STEAP1B: variants seen among roughly 807,000 people sequenced by gnomAD.
STEAP1B encodes the protein STEAP family member 1B.
Under a neutral mutation model 27.9 loss-of-function variants are expected in STEAP1B, and 13 were observed. The ratio of observed to expected loss-of-function variants is 0.47; its 90% confidence interval spans 0.30 to 0.74. STEAP1B has a LOEUF of 0.74. STEAP1B is among the 30% of genes least tolerant of loss of function. The pLI is 0.06. For missense variants in STEAP1B, 250 were observed against 298.7 expected (o/e 0.84, Z 1.20); for synonymous variants, 86 against 107.1 (o/e 0.80, Z 1.22).
Position 22,477,469 on chromosome 7 carries a change from G to C in STEAP1B, c.762+15096C>G, listed in dbSNP as rs540033691. On this transcript the variant is annotated intron_variant, in intron 4 of 4. Transcript: ENST00000678116. Reference sequence around the variant, plus strand: ...GGAAACAGATTCTGAGAAAGGTTAAGTGTCTTGTCCAAGGTCACACAAATC... The same window carrying C: ...GGAAACAGATTCTGAGAAAGGTTAACTGTCTTGTCCAAGGTCACACAAATC... Among the ~76,000 whole-genome samples the C allele has an allele frequency of 3.9e-5, 6 of 152,302 alleles. 2 individuals are homozygous for C. In the South Asian group the frequency reaches 1.2e-3, roughly 32 times the overall value.
At chr7:22,451,235 T>C (rs940531216) in intron 4 of STEAP1B, among the ~76,000 whole-genome samples, 9 of 152,110 alleles carry the variant, frequency 5.9e-5, no homozygotes, top group Non-Finnish European at 1.2e-4. Context: ...AGATTGTTCA[T>C]TGTTGGCATT....
intron 4 of STEAP1B, among the ~76,000 whole-genome samples, chr7:22,456,972 A>ATATATATTTTTTTTTTTTTTTTTT: frequency 1.8e-3 from 100 of 56,974 alleles, no homozygotes; most frequent in Admixed American, 3.3e-3. Flanking sequence ...ATATATATAT[A>ATATATATTTTTTTTTTTTTTTTTT]TTTTTTTTTT....
intron 4 of STEAP1B, among the ~76,000 whole-genome samples, chr7:22,485,629 AC>A (rs1435219768): frequency 6.6e-6 from 1 of 152,094 alleles, no homozygotes; most frequent in Admixed American, 6.6e-5. Flanking sequence ...GCTAAATATA[AC>A]TTTTATATGC....
intron 4 of STEAP1B, among the ~76,000 whole-genome samples, chr7:22,465,133 G>C (rs560769063): frequency 4.6e-4 from 69 of 151,492 alleles, no homozygotes; most frequent in African/African-American, 1.7e-3. Context: ...CGGCTACGAG[G>C]CCACTAATGG....
At chr7:22,498,241 AG>A (rs201505087) in intron 1 of STEAP1B, among the ~76,000 whole-genome samples, 13,034 of 152,064 alleles carry the variant, frequency 0.086, 648 homozygotes, top group African/African-American at 0.095. Flanking sequence ...AACAGCACCA[AG>A]GGGGGATGGT....
chr7:22,436,640 G>A (rs1785258858), intron 4 of STEAP1B, among the ~76,000 whole-genome samples: 2 of 151,606 alleles, frequency 1.3e-5, no homozygotes, highest in African/African-American at 4.8e-5. Context: ...GTGAGAACAT[G>A]TGGTATTTGG....
intron 4 of STEAP1B, among the ~76,000 whole-genome samples, chr7:22,486,078 C>A (rs965351530): frequency 9.9e-5 from 15 of 152,202 alleles, no homozygotes; most frequent in East Asian, 3.8e-4. Context: ...ATAAAAATCC[C>A]AGTGCCCATT....
At chr7:22,456,174 T>A (rs898558966) in intron 4 of STEAP1B, among the ~76,000 whole-genome samples, 2 of 152,098 alleles carry the variant, frequency 1.3e-5, no homozygotes, top group African/African-American at 2.4e-5. Context: ...TCCTAATCCA[T>A]TTAAAATATT....
chr7:22,478,892 A>C (rs1786018674), intron 4 of STEAP1B, among the ~76,000 whole-genome samples: 1 of 152,106 alleles, frequency 6.6e-6, no homozygotes, highest in Non-Finnish European at 1.5e-5. Context: ...TGGTTTCAGG[A>C]AACAGCTCAC....
intron 4 of STEAP1B, among the ~76,000 whole-genome samples, chr7:22,475,401 T>C (rs2128411942): frequency 6.6e-6 from 1 of 152,250 alleles, no homozygotes; most frequent in Non-Finnish European, 1.5e-5. Context: ...TGAGTCAGGG[T>C]CTTCTTCTGT....
chr7:22,467,495 C>T (rs527581099), intron 4 of STEAP1B, among the ~76,000 whole-genome samples: 1 of 152,292 alleles, frequency 6.6e-6, no homozygotes, highest in East Asian at 1.9e-4. Context: ...TGTCCCCACC[C>T]AAATCTCATC....
At chr7:22,445,958 T>A (rs1785404052) in intron 4 of STEAP1B, among the ~76,000 whole-genome samples, 2 of 152,214 alleles carry the variant, frequency 1.3e-5, no homozygotes, top group Admixed American at 6.5e-5. Context: ...TTTAAAAAAA[T>A]GAATGAATAA....
At chr7:22,455,869 C>T (rs1321710156) in intron 4 of STEAP1B, among the ~76,000 whole-genome samples, 2 of 152,242 alleles carry the variant, frequency 1.3e-5, no homozygotes, top group African/African-American at 2.4e-5. Flanking sequence ...TCTTCCTGGC[C>T]GGGCACAGTG....
At chr7:22,427,503 T>C (rs1202921470) in intron 4 of STEAP1B, among the ~76,000 whole-genome samples, 1 of 152,110 alleles carries the variant, frequency 6.6e-6, no homozygotes, top group African/African-American at 2.4e-5. Context: ...GGTAGATGAA[T>C]TGGTGGAGGT....
At chr7:22,460,146 C>CA (rs1200330320) in intron 4 of STEAP1B, among the ~76,000 whole-genome samples, 8 of 151,548 alleles carry the variant, frequency 5.3e-5, no homozygotes, top group South Asian at 4.2e-4. Flanking sequence ...CCCGTCTCTA[C>CA]AAAAAAACGT....
intron 4 of STEAP1B, among the ~76,000 whole-genome samples, chr7:22,468,330 A>C (rs1476541610): frequency 6.6e-6 from 1 of 152,146 alleles, no homozygotes; most frequent in Non-Finnish European, 1.5e-5. Context: ...TATTACCTCC[A>C]TTTTATAGAT....
At chr7:22,496,017 G>T (rs1786434035) in intron 1 of STEAP1B, among the ~76,000 whole-genome samples, 2 of 152,144 alleles carry the variant, frequency 1.3e-5, no homozygotes, top group Non-Finnish European at 2.9e-5. Context: ...CCAGAAGAAG[G>T]CATTGTTATC....
intron 4 of STEAP1B, among the ~76,000 whole-genome samples, chr7:22,461,287 G>A (rs776095775): frequency 1.3e-5 from 2 of 152,050 alleles, no homozygotes; most frequent in African/African-American, 2.4e-5. Context: ...TTTTGCAAAG[G>A]AGTCTCACTC....
chr7:22,448,680 T>G (rs1373263367), intron 4 of STEAP1B, among the ~76,000 whole-genome samples: 1 of 152,170 alleles, frequency 6.6e-6, no homozygotes. Context: ...ACTTTTTTTT[T>G]GAACACAGAA....
Sources: gnomAD v4.1 joint callset for allele counts (sites outside exome capture counted in the v4.1 genomes callset) on GRCh38, gnomAD v4.1.1 for gene constraint, MANE v1.5 for transcripts, NCBI Gene and HGNC (gene_info 2026-07-23, HGNC 2026-07-21) for gene names.